SLC34A3: variants seen among roughly 807,000 people sequenced by gnomAD.
SLC34A3 encodes the protein solute carrier family 34 member 3, also known as sodium-dependent phosphate transport protein 2C.
Under a neutral mutation model 43.9 loss-of-function variants are expected in SLC34A3, and 60 were observed. The ratio of observed to expected loss-of-function variants is 1.37; its 90% CI spans 1.11 to 1.70. SLC34A3 has a LOEUF of 1.70. Among genes scored for constraint, SLC34A3 ranks in the 40% most tolerant of loss-of-function variants. The probability of loss-of-function intolerance (pLI) is 0.00; values close to 1 mark genes in which losing one functional copy is unlikely to be tolerated. For synonymous variants in SLC34A3, 451 were observed against 386.2 expected (o/e 1.17, Z -1.97); for missense variants, 969 against 823.8 (o/e 1.18, Z -2.16).
chr9:137,236,507 C>A lies in SLC34A3; in HGVS notation c.*91C>A. 1.9e-6 allele frequency: 2 copies of A among 1,033,666 alleles called. No individual in the cohort carries two copies. Among genetic ancestry groups the A allele is most frequent in the Non-Finnish European group, 2.9e-6 (2 of 690,698 alleles). The allele number at this position is 1,033,666 out of a possible 1,614,324, so 64.0% of individuals were successfully genotyped here. On this transcript the variant is annotated 3_prime_UTR_variant, in exon 13 of 13. Transcript: ENST00000673835. ...GGGGGTCCCCGCGGCAGCTGACCTC[C>A]GGTCACCTGCTTCCCCTTCTGTGCA... is the stretch of plus-strand genomic sequence containing the variant.
intron 6 of SLC34A3, 24 bp from the exon 7 acceptor site, chr9:137,233,185 C>T (rs1258390277): frequency 2.6e-6 from 4 of 1,564,188 alleles, no homozygotes; most frequent in South Asian, 1.2e-5. Context: ...CCCACCTGAC[C>T]CTGCCCACTC....
chr9:137,234,979 C>CT lies in SLC34A3; in HGVS notation c.1335+249dup, dbSNP rs1239404531. Among the ~76,000 whole-genome samples, 1 of 152,202 alleles carries CT rather than the reference C, an allele frequency of 6.6e-6. No homozygotes were observed. Among genetic ancestry groups the CT allele is most frequent in the African/African-American group, 2.4e-5 (1 of 41,452 alleles). ...ACTTCCACATTTTCTCAGCTCTTTG[C>CT]TGTGTCCCTGGGGGCCTGCCCCCAG... is the stretch of plus-strand genomic sequence containing the variant. On this transcript the variant is annotated intron_variant, in intron 12 of 12. Transcript: ENST00000673835. This position sits in a 1 kb window ranked among gnomAD's most constrained non-coding sequence, Gnocchi z 6.9.
chr9:137,235,655 G>A (rs1190476418), intron 12 of SLC34A3, among the ~76,000 whole-genome samples: 1 of 152,222 alleles, frequency 6.6e-6, no homozygotes, highest in Non-Finnish European at 1.5e-5. Flanking sequence ...AGGAGGCACA[G>A]GCAGAGCCAG....
At position 137,235,937 on chromosome 9, in the gene SLC34A3, C is replaced by G. The variant is rs1248417644; in HGVS notation, c.1336-15C>G. 6.2e-7 allele frequency: 1 copy of G among 1,610,150 alleles called. No homozygotes were observed. The highest frequency in any genetic ancestry group is 1.1e-5 in the South Asian group (1 of 90,986). On this transcript the variant is annotated splice_polypyrimidine_tract_variant and intron_variant, in intron 12 of 12. Transcript: ENST00000673835. ...CTCGTTGGGCCCAGGCCCCTGACAGCCCCCTCGCCCCCAGGTCGCCCTCAT... is the reference window on the plus strand; with the variant it reads ...CTCGTTGGGCCCAGGCCCCTGACAGGCCCCTCGCCCCCAGGTCGCCCTCAT...
At position 137,233,133 on chromosome 9, in the gene SLC34A3, G is replaced by A. The variant is rs756451337; in HGVS notation, c.560+18G>A. ...TTTCAGAGGTGAGTTGTGGGTGGAA[G>A]GGCTGGGCTGGGGCTGCAGTGGCAG... On this transcript the variant is annotated intron_variant, in intron 6 of 12. Coordinates refer to ENST00000673835, the MANE Select transcript of SLC34A3 (RefSeq NM_001177316.2). The A allele has an allele frequency of 1.7e-5, 27 of 1,592,636 alleles. No individual in the cohort carries two copies. The highest frequency in any genetic ancestry group is 2.2e-5 in the Non-Finnish European group (26 of 1,171,364).
At chr9:137,235,320 A>C (rs1836523610) in intron 12 of SLC34A3, among the ~76,000 whole-genome samples, 1 of 152,086 alleles carries the variant, frequency 6.6e-6, no homozygotes, top group Non-Finnish European at 1.5e-5. Context: ...CCGGAGGCCC[A>C]ACAGGTTCAG....
rs770762589 is a variant in SLC34A3, at chr9:137,233,229, T to C, written c.581T>C (p.Val194Ala). ...EFQRAFSGSA[V>A]HGIFNWLTVL... The stretch of plus-strand genomic sequence containing the variant: ...CACAGGGCTTTCAGCGGCTCGGCGG[T>C]GCACGGGATCTTCAACTGGCTCACA... The change falls in exon 7 of 13, where the codon GTG becomes GCG. Residue 194 changes from valine to alanine, a missense_variant. Val to Ala is a moderately conservative substitution (Grantham distance 64). Coordinates refer to ENST00000673835, the MANE Select transcript of SLC34A3 (RefSeq NM_001177316.2). 2 of 1,569,724 alleles carry C rather than the reference T, an allele frequency of 1.3e-6. No individual in the cohort carries two copies. The highest frequency in any genetic ancestry group is 8.6e-7 in the Non-Finnish European group (1 of 1,158,538).
At position 137,236,458 on chromosome 9, in the gene SLC34A3, G is replaced by A; in HGVS notation, c.*42G>A. On this transcript the variant is annotated 3_prime_UTR_variant, in exon 13 of 13. Transcript: ENST00000673835. Reference sequence around the variant, plus strand: ...AGACCGCCCCACCCTCCCCGGCTGGGAGGGCTCTGGAGGGCCCTGGAGGGG... The same window carrying A: ...AGACCGCCCCACCCTCCCCGGCTGGAAGGGCTCTGGAGGGCCCTGGAGGGG... 6.7e-7 allele frequency: 1 copy of A among 1,488,798 alleles called. No individual in the cohort carries two copies. Among genetic ancestry groups the A allele is most frequent in the East Asian group, 2.5e-5 (1 of 40,720 alleles). 92.2% of individuals were successfully genotyped at this position (1,488,798 alleles called of 1,614,324 possible).
At position 137,234,878 on chromosome 9, in the gene SLC34A3, G is replaced by C; in HGVS notation, c.1335+147G>C. The C allele has an allele frequency of 8.0e-7, 1 of 1,245,658 alleles. No individual in the cohort carries two copies. The highest frequency in any genetic ancestry group is 1.3e-5 in the South Asian group (1 of 78,416). The allele number at this position is 1,245,658 out of a possible 1,614,324, so 77.2% of individuals were successfully genotyped here. A position where few individuals can be genotyped will look rare whatever the true frequency, so the allele number is the denominator to read the frequency against. On this transcript the variant is annotated intron_variant, in intron 12 of 12. Transcript: ENST00000673835. This position sits in a 1 kb window ranked among gnomAD's most constrained non-coding sequence, Gnocchi z 6.9. ...CCTGGCCGCCAGCCTCAGCCCTGCTGCTCTGCCTCCTTGGACCCCACAGGT... is the reference window on the plus strand; with the variant it reads ...CCTGGCCGCCAGCCTCAGCCCTGCTCCTCTGCCTCCTTGGACCCCACAGGT...
In SLC34A3 at chr9:137,233,259, T is replaced by C. The variant is rs1836355387; in HGVS notation, c.611T>C (p.Leu204Pro). ...GGGATCTTCAACTGGCTCACAGTGC[T>C]GGTCCTGCTGCCACTGGAGAGCGCC... ...VHGIFNWLTVLVLLPLESATA... is the reference protein window; with the variant it reads ...VHGIFNWLTVPVLLPLESATA... Residue 204 changes from leucine (L) to proline (P), a missense_variant, in exon 7 of 13, where the codon CTG (leucine) becomes CCG (proline). Leu to Pro is a moderately conservative substitution (Grantham distance 98). Coordinates refer to ENST00000673835, the MANE Select transcript of SLC34A3 (RefSeq NM_001177316.2). 1.3e-6 allele frequency: 2 copies of C among 1,580,638 alleles called. No individual in the cohort carries two copies. The highest frequency in any genetic ancestry group is 1.3e-5 in the African/African-American group (1 of 74,158).
At chr9:137,233,804 A>G in intron 8 of SLC34A3, 59 bp from the exon 9 acceptor site, 2 of 475,042 alleles carry the variant, frequency 4.2e-6, no homozygotes, top group Non-Finnish European at 6.3e-6. Context: ...CCTCACCTCG[A>G]GCCCTCTGAC....
Position 137,234,609 on chromosome 9 carries a change from G to A in SLC34A3, c.1213G>A (p.Val405Ile), listed in dbSNP as rs1836479796. The A allele has an allele frequency of 2.5e-6, 4 of 1,612,268 alleles. No individual in the cohort carries two copies. The highest frequency in any genetic ancestry group is 1.7e-5 in the Admixed American group (1 of 59,982). ...GTGGTGACTCCCAGTTCCCCCAGGG[G>A]TCGGGGTGATCAGTCTGGACCGGGC... ...FTAAVVPLMG[V>I]GVISLDRAYP... The change falls in exon 12 of 13, where the codon GTC becomes ATC. Residue 405 changes from valine (V) to isoleucine (I), a missense_variant and splice_region_variant. Coordinates refer to ENST00000673835, the MANE Select transcript of SLC34A3 (RefSeq NM_001177316.2). This position sits in a 1 kb window ranked among gnomAD's most constrained non-coding sequence, Gnocchi z 6.9.
chr9:137,230,222 C>T (rs559883306), upstream of SLC34A3, among the ~76,000 whole-genome samples: 2 of 152,240 alleles, frequency 1.3e-5, no homozygotes, highest in South Asian at 4.1e-4. Context: ...GAGAACTGTG[C>T]GCTGGGCCAG....
At chr9:137,230,515 A>G (rs1836152213), upstream of SLC34A3, among the ~76,000 whole-genome samples, 1 of 152,176 alleles carries the variant, frequency 6.6e-6, no homozygotes, top group South Asian at 2.1e-4. Context: ...CCTGAGGTGC[A>G]TGGAAGTGGG....
chr9:137,234,595 C>T lies in SLC34A3; in HGVS notation c.1211-12C>T, dbSNP rs769974954. ...CGGGCTGGGGTCCTGTGGTGACTCC[C>T]AGTTCCCCCAGGGGTCGGGGTGATC... On this transcript the variant is annotated splice_polypyrimidine_tract_variant and intron_variant, in intron 11 of 12. Transcript: ENST00000673835. The surrounding 1 kb of genome is among the most constrained non-coding windows in gnomAD (Gnocchi z 6.9). 1.2e-6 allele frequency: 2 copies of T among 1,612,162 alleles called. No individual in the cohort carries two copies. The highest frequency in any genetic ancestry group is 2.7e-5 in the African/African-American group (2 of 75,026).
Position 137,234,021 on chromosome 9 carries a change from G to A in SLC34A3, c.925+80G>A. On this transcript the variant is annotated intron_variant, in intron 9 of 12. Coordinates refer to ENST00000673835, the MANE Select transcript of SLC34A3 (RefSeq NM_001177316.2). This position sits in a 1 kb window ranked among gnomAD's most constrained non-coding sequence, Gnocchi z 6.9. ...CCCCTACATGGAGAGGAACAGCACA[G>A]CCCCGGCGGACAGGCTGCCCTGTGA... is the stretch of plus-strand genomic sequence containing the variant. The A allele has an allele frequency of 1.4e-6, 2 of 1,397,208 alleles. No individual in the cohort carries two copies. Among genetic ancestry groups the A allele is most frequent in the Non-Finnish European group, 1.9e-6 (2 of 1,059,920 alleles). 86.6% of individuals were successfully genotyped at this position (1,397,208 alleles called of 1,614,324 possible).
In SLC34A3 at chr9:137,234,344, A is replaced by C. The variant is rs1000009986; in HGVS notation, c.1093+68A>C. 1 of 1,600,078 alleles carries C rather than the reference A, an allele frequency of 6.2e-7. No individual in the cohort carries two copies. Among genetic ancestry groups the C allele is most frequent in the Non-Finnish European group, 8.5e-7 (1 of 1,178,104 alleles). On this transcript the variant is annotated intron_variant, in intron 10 of 12. Coordinates refer to ENST00000673835, the MANE Select transcript of SLC34A3 (RefSeq NM_001177316.2). This position sits in a 1 kb window ranked among gnomAD's most constrained non-coding sequence, Gnocchi z 6.9. ...CATCCCCCATAGACTTCCCCTTCCC[A>C]CCAGGCTGACTCGGGGGCTACCTGG... is the stretch of plus-strand genomic sequence containing the variant.
rs1836465563 is a variant in SLC34A3, at chr9:137,234,436, T to C, written c.1114T>C (p.Trp372Arg). The C allele has an allele frequency of 1.9e-6, 3 of 1,598,558 alleles. No individual in the cohort carries two copies. Among genetic ancestry groups the C allele is most frequent in the Non-Finnish European group, 2.5e-6 (3 of 1,179,024 alleles). The change falls in exon 11 of 13, where the codon TGG becomes CGG. Residue 372 changes from tryptophan (W) to arginine (R), a missense_variant. By Grantham distance (101) the Trp-to-Arg change is moderately radical. Transcript: ENST00000673835. This position sits in a 1 kb window ranked among gnomAD's most constrained non-coding sequence, Gnocchi z 6.9. ...CACAGACTTCCCCTTCCCGCTGGGC[T>C]GGCTCGGCGGCTACCTGGCCGTCCT... is the stretch of plus-strand genomic sequence containing the variant. ...INADFPFPLG[W>R]LGGYLAVLAG...
rs1836278864 is a variant in SLC34A3, at chr9:137,232,487, GGA to G, written c.176-82_176-81del. On this transcript the variant is annotated intron_variant, in intron 3 of 12. Transcript: ENST00000673835. ...GGGACCCAGCCCTGTTGGAGACAGA[GGA>G]GAGAGGGGGCAGAGAATGAGGGGCC... is the stretch of plus-strand genomic sequence containing the variant. 7 of 1,560,240 alleles carry G rather than the reference GGA, an allele frequency of 4.5e-6. No individual in the cohort carries two copies. The South Asian group carries it at 5.6e-5, about 13-fold the overall frequency.
Sources: gnomAD v4.1 joint callset for allele counts (sites outside exome capture counted in the v4.1 genomes callset) on GRCh38, gnomAD v4.1.1 for gene constraint, Gnocchi (gnomAD v3.1) non-coding constraint, MANE v1.5 for transcripts, NCBI Gene and HGNC (gene_info 2026-07-23, HGNC 2026-07-21) for gene names.